Variants in FBN1 observed in about 807,000 individuals in gnomAD.
The protein encoded by FBN1 is fibrillin 1.
FBN1 carries 29 observed loss-of-function variants against 365.1 expected under a neutral mutation model. That is an observed-to-expected ratio of 0.08 (90% CI 0.06 to 0.11). FBN1 has a LOEUF of 0.11. Ranked by LOEUF, FBN1 falls within the 10% of genes least tolerant of loss-of-function variation. FBN1 has a pLI of 1.00. For synonymous variants in FBN1, 1,210 were observed against 1,270.5 expected (o/e 0.95, Z 1.01); for missense variants, 2,476 against 3,703.2 (o/e 0.67, Z 8.60).
rs148516442 is a variant in FBN1, at chr15:48,422,025, T to G, written c.7497A>C (p.Leu2499=). 1 of 1,614,044 alleles carries G rather than the reference T, an allele frequency of 6.2e-7. No individual in the cohort carries two copies. The highest frequency in any genetic ancestry group is 8.5e-7 in the Non-Finnish European group (1 of 1,179,936). Residue 2499 remains leucine (L), a synonymous_variant, in exon 61 of 66, where the codon CTA becomes CTC. Coordinates refer to ENST00000316623, the MANE Select transcript of FBN1 (RefSeq NM_000138.5). ...TGAAGCCGCCAATGGTGTTAACACA[T>G]AGGAACTGGCAGTTGTGTTGCTTGG... ...CATKQHNCQF[L]CVNTIGGFTC... is the part of the protein sequence containing the mutation.
chr15:48,486,310 C>A (rs923369498), intron 29 of FBN1, among the ~76,000 whole-genome samples: 15 of 152,146 alleles, frequency 9.9e-5, no homozygotes, highest in Non-Finnish European at 2.2e-4. Context: ...TTTCAGAAAA[C>A]TTTGGGCTGA....
At chr15:48,460,688 G>A (rs111266537) in intron 42 of FBN1, among the ~76,000 whole-genome samples, 3 of 152,034 alleles carry the variant, frequency 2.0e-5, no homozygotes, top group African/African-American at 4.8e-5. Flanking sequence ...AGGGTTTGAG[G>A]AACACGTATA....
chr15:48,580,652 C>A (rs764278668), intron 6 of FBN1, among the ~76,000 whole-genome samples: 2 of 152,146 alleles, frequency 1.3e-5, no homozygotes, highest in African/African-American at 2.4e-5. Flanking sequence ...AAGCCACACA[C>A]CCAAATCTGA....
intron 6 of FBN1, among the ~76,000 whole-genome samples, chr15:48,581,656 A>G (rs1442790203): frequency 6.6e-6 from 1 of 152,242 alleles, no homozygotes; most frequent in African/African-American, 2.4e-5. Context: ...CATAGTGTCT[A>G]AGAGACACAG....
At chr15:48,545,419 G>A (rs1033583196) in intron 6 of FBN1, among the ~76,000 whole-genome samples, 2 of 152,134 alleles carry the variant, frequency 1.3e-5, no homozygotes, top group Admixed American at 1.3e-4. Context: ...TATTGTGTAC[G>A]TGGAGGGTGA....
intron 4 of FBN1, among the ~76,000 whole-genome samples, chr15:48,609,107 T>G (rs1347820038): frequency 5.9e-5 from 9 of 152,194 alleles, no homozygotes; most frequent in Non-Finnish European, 1.2e-4. Flanking sequence ...GAAGTCACCC[T>G]TATAGAGACG....
chr15:48,520,526 G>T, intron 10 of FBN1, 133 bp downstream of exon 10: 1 of 1,032,432 alleles, frequency 9.7e-7, no homozygotes. Context: ...AAATTTCCCT[G>T]GACGTCATCT....
intron 41 of FBN1, among the ~76,000 whole-genome samples, chr15:48,463,509 A>ACT (rs1490650767): frequency 1.4e-4 from 21 of 151,976 alleles, no homozygotes; most frequent in Non-Finnish European, 2.8e-4. Context: ...ACTTTAAATG[A>ACT]CTCTCTGCCC....
intron 6 of FBN1, among the ~76,000 whole-genome samples, chr15:48,571,522 A>G (rs1597611679): frequency 6.6e-6 from 1 of 152,302 alleles, no homozygotes; most frequent in South Asian, 2.1e-4. Flanking sequence ...AAATTTAAAT[A>G]CCTGCAAAAA....
chr15:48,434,469 C>T (rs1463628018), intron 54 of FBN1, 125 bp downstream of exon 54: 1 of 1,166,780 alleles, frequency 8.6e-7, no homozygotes, highest in East Asian at 2.4e-5. Context: ...ATCAAATGGC[C>T]CATCAGGCCT....
intron 9 of FBN1, among the ~76,000 whole-genome samples, chr15:48,523,845 T>C (rs762681970): frequency 1.2e-4 from 19 of 152,058 alleles, no homozygotes; most frequent in Non-Finnish European, 2.2e-4. Flanking sequence ...ACAAACACCT[T>C]CCATTTTAAA....
At chr15:48,416,512 G>C (rs74345037) in intron 63 of FBN1, 1 of 154,376 alleles carries the variant, frequency 6.5e-6, no homozygotes, top group Non-Finnish European at 1.4e-5. Context: ...AAGTGTGGCT[G>C]GAAGAGATTT....
In FBN1 at chr15:48,568,042, A is replaced by AAAG. The variant is rs764251410; in HGVS notation, c.538+28238_538+28240dup. Among the ~76,000 whole-genome samples, 850 of 85,124 alleles carry AAAG rather than the reference A, an allele frequency of 1.0e-2. 3 individuals carry two copies. The highest frequency in any genetic ancestry group is 0.015 in the African/African-American group (205 of 13,300). The allele number at this position is 85,124 out of a possible 152,430, so 55.8% of individuals were successfully genotyped here. A position where few individuals can be genotyped will look rare whatever the true frequency, so the allele number is the denominator to read the frequency against. ...GAAAGAAAGAAAGAAAGAAAGAAAG[A>AAAG]AAGAAAGAAGAAAGAAAGAAAGAAA... is the stretch of plus-strand genomic sequence containing the variant. On this transcript the variant is annotated intron_variant, in intron 6 of 65. Coordinates refer to ENST00000316623, the MANE Select transcript of FBN1 (RefSeq NM_000138.5).
intron 6 of FBN1, among the ~76,000 whole-genome samples, chr15:48,582,002 G>A (rs1428936603): frequency 6.6e-6 from 1 of 152,160 alleles, no homozygotes; most frequent in Non-Finnish European, 1.5e-5. Context: ...CATAAGTGCT[G>A]CATAAATGGA....
chr15:48,579,132 A>G (rs2044372162), intron 6 of FBN1, among the ~76,000 whole-genome samples: 1 of 152,078 alleles, frequency 6.6e-6, no homozygotes, highest in Non-Finnish European at 1.5e-5. Flanking sequence ...AAAGGAGGGC[A>G]GGCAGGGCAA....
intron 41 of FBN1, 106 bp downstream of exon 41, chr15:48,463,793 A>T: frequency 8.1e-7 from 1 of 1,239,662 alleles, no homozygotes; most frequent in Non-Finnish European, 1.1e-6. Flanking sequence ...GGATGCCAGC[A>T]CTCAGTCTGA....
intron 22 of FBN1, 56 bp downstream of exon 22, chr15:48,495,066 CT>C (rs1566911526): frequency 1.9e-6 from 3 of 1,609,442 alleles, no homozygotes; most frequent in Admixed American, 1.7e-5. Flanking sequence ...TAGGCTTCCC[CT>C]TTTTATGCAA....
chr15:48,597,745 T>C (rs2044527033), intron 5 of FBN1, among the ~76,000 whole-genome samples: 1 of 152,228 alleles, frequency 6.6e-6, no homozygotes, highest in Non-Finnish European at 1.5e-5. Context: ...TTTATGTAAA[T>C]TAATTGTCTT....
intron 48 of FBN1, among the ~76,000 whole-genome samples, chr15:48,444,893 C>T (rs2043141554): frequency 6.9e-6 from 1 of 145,106 alleles, no homozygotes; most frequent in African/African-American, 2.6e-5. Context: ...TAAATGTTTC[C>T]AGAAAATTGT....
Sources: allele counts gnomAD v4.1 joint callset (sites outside exome capture counted in the v4.1 genomes callset), GRCh38; gene constraint gnomAD v4.1.1; transcripts MANE v1.5; gene names NCBI Gene and HGNC (gene_info 2026-07-23, HGNC 2026-07-21).